The following SCIMP variants were observed in gnomAD, a reference collection of about 807,000 sequenced individuals.
SCIMP encodes SLP adapter and CSK-interacting membrane protein.
SCIMP carries 18 observed loss-of-function variants against 22.0 expected under a neutral mutation model. That is an observed-to-expected ratio of 0.82 (90% CI 0.56 to 1.21). The LOEUF (loss-of-function observed/expected upper bound fraction) is 1.21. Ranked by LOEUF, SCIMP falls within the 50% of genes most tolerant of loss-of-function variation. The pLI is 0.00. For synonymous variants in SCIMP, 53 were observed against 62.2 expected (o/e 0.85, Z 0.70); for missense variants, 155 against 171.2 (o/e 0.91, Z 0.53).
intron 3 of SCIMP, among the ~76,000 whole-genome samples, chr17:5,218,068 C>A (rs1198788188): frequency 6.6e-6 from 1 of 152,076 alleles, no homozygotes; most frequent in Non-Finnish European, 1.5e-5. Flanking sequence ...CTTTGACACC[C>A]AGGCTGGAGT....
At chr17:5,234,196 G>T (rs2074725859) in intron 1 of SCIMP, among the ~76,000 whole-genome samples, 1 of 152,056 alleles carries the variant, frequency 6.6e-6, no homozygotes, top group Non-Finnish European at 1.5e-5. Context: ...GCTTGAACCC[G>T]GGAGGCGGTG....
At chr17:5,212,047 C>CA (rs201695440) in intron 4 of SCIMP, among the ~76,000 whole-genome samples, 3,853 of 145,654 alleles carry the variant, frequency 0.026, 153 homozygotes, top group African/African-American at 0.088. Context: ...GACTCTGTCT[C>CA]AAAAAAAAAG....
intron 2 of SCIMP, among the ~76,000 whole-genome samples, chr17:5,221,970 C>T (rs1023571655): frequency 2.0e-5 from 3 of 151,654 alleles, no homozygotes; most frequent in Non-Finnish European, 2.9e-5. Flanking sequence ...ATGGGGGTTT[C>T]GCCATGTTGG....
intron 4 of SCIMP, chr17:5,213,136 A>T (rs906729502): frequency 2.0e-5 from 20 of 984,112 alleles, no homozygotes; most frequent in African/African-American, 3.5e-5. Context: ...TGAAAGGCCT[A>T]GTGACACCCC....
At chr17:5,223,217 A>T in intron 2 of SCIMP, 116 bp downstream of exon 2, 3 of 1,108,410 alleles carry the variant, frequency 2.7e-6, no homozygotes, top group South Asian at 1.4e-5. Context: ...CAAGATGCTT[A>T]ATCCAAAATT....
chr17:5,234,758 G>A lies in SCIMP; in HGVS notation c.-3C>T, dbSNP rs373613580. 1.1e-4 allele frequency: 172 copies of A among 1,610,730 alleles called. No individual in the cohort carries two copies. Among genetic ancestry groups the A allele is most frequent in the Non-Finnish European group, 4.2e-5 (49 of 1,178,782 alleles). On this transcript the variant is annotated 5_prime_UTR_variant, in exon 1 of 5. Coordinates refer to ENST00000574081, the MANE Select transcript of SCIMP (RefSeq NM_207103.3). ...ACCTGAACTGTGAAAGTATCCATAT[G>A]TGAGCAGCTAAGGAGACAGCAGTGG...
intron 2 of SCIMP, among the ~76,000 whole-genome samples, chr17:5,222,991 T>C (rs2074619597): frequency 6.6e-6 from 1 of 152,140 alleles, no homozygotes; most frequent in East Asian, 1.9e-4. Flanking sequence ...TTCCATATAC[T>C]TGTGTTCTCG....
intron 3 of SCIMP, 51 bp from the exon 4 acceptor site, chr17:5,215,049 C>T (rs2074556181): frequency 1.8e-6 from 2 of 1,127,414 alleles, no homozygotes; most frequent in South Asian, 1.2e-5. Flanking sequence ...GCCATGCCTG[C>T]TCCCAGCCGA....
chr17:5,232,215 A>G (rs530445146), intron 1 of SCIMP, among the ~76,000 whole-genome samples: 2 of 152,328 alleles, frequency 1.3e-5, no homozygotes, highest in East Asian at 3.9e-4. Flanking sequence ...TTCTGTGTGC[A>G]GTTGTTTGCG....
chr17:5,216,129 A>T (rs2074564075), intron 3 of SCIMP, among the ~76,000 whole-genome samples: 1 of 151,986 alleles, frequency 6.6e-6, no homozygotes, highest in Admixed American at 6.6e-5. Context: ...CTTGAGCCCA[A>T]AATTTGAGGT....
chr17:5,212,372 C>T (rs559187914), intron 4 of SCIMP, among the ~76,000 whole-genome samples: 3 of 151,778 alleles, frequency 2.0e-5, no homozygotes, highest in Non-Finnish European at 2.9e-5. Context: ...CGGTGGCTCA[C>T]GCCTGTAATC....
chr17:5,222,728 G>A (rs1215139752), intron 2 of SCIMP, among the ~76,000 whole-genome samples: 2 of 151,812 alleles, frequency 1.3e-5, no homozygotes, highest in Non-Finnish European at 2.9e-5. Context: ...GCAGTGGCAC[G>A]ATCTCGGCTC....
In SCIMP at chr17:5,210,966, C is replaced by T; in HGVS notation, c.284-11G>A. ...GGGCTTCCTGTGGGGCTAGAATACA[C>T]AAAAAGCTCCTTAGATGCAAAGCTG... On this transcript the variant is annotated splice_polypyrimidine_tract_variant and intron_variant, in intron 4 of 4. Transcript: ENST00000574081. The T allele has an allele frequency of 2.5e-6, 4 of 1,592,234 alleles. No individual in the cohort carries two copies. The highest frequency in any genetic ancestry group is 2.7e-5 in the African/African-American group (2 of 73,410).
At chr17:5,224,114 T>C (rs1335955477) in intron 1 of SCIMP, among the ~76,000 whole-genome samples, 1 of 152,174 alleles carries the variant, frequency 6.6e-6, no homozygotes, top group Admixed American at 6.5e-5. Context: ...GAAGGTGCCA[T>C]TTAAAGCAAT....
Position 5,221,358 on chromosome 17 carries a change from G to A in SCIMP, c.146-8C>T. Reference sequence around the variant, plus strand: ...CAATTTCCCATTTCTTGCCTAAGAGGGGAAAAGCATGTTCATTGAAGAAGA... The same window carrying A: ...CAATTTCCCATTTCTTGCCTAAGAGAGGAAAAGCATGTTCATTGAAGAAGA... On this transcript the variant is annotated splice_region_variant and splice_polypyrimidine_tract_variant and intron_variant, in intron 2 of 4. Transcript: ENST00000574081. 1 of 1,608,954 alleles carries A rather than the reference G, an allele frequency of 6.2e-7. No individual in the cohort carries two copies. The highest frequency in any genetic ancestry group is 1.1e-5 in the South Asian group (1 of 90,960).
intron 2 of SCIMP, among the ~76,000 whole-genome samples, chr17:5,222,259 T>G (rs962073010): frequency 2.0e-5 from 3 of 151,688 alleles, no homozygotes; most frequent in African/African-American, 4.8e-5. Context: ...CCGGCTAATT[T>G]TTTTTGTATT....
In SCIMP at chr17:5,223,326, C is replaced by T; in HGVS notation, c.145+7G>A. ...CCCTCCACCTGCCTAGGTAAAATGG[C>T]CATTACCTCGTCTAAGCTGCCACTT... On this transcript the variant is annotated splice_region_variant and intron_variant, in intron 2 of 4. Transcript: ENST00000574081. 6.2e-7 allele frequency: 1 copy of T among 1,613,462 alleles called. No homozygotes were observed. Among genetic ancestry groups the T allele is most frequent in the Non-Finnish European group, 8.5e-7 (1 of 1,179,750 alleles).
At chr17:5,214,279 G>C (rs911444213) in intron 4 of SCIMP, 2 of 152,384 alleles carry the variant, frequency 1.3e-5, no homozygotes, top group Admixed American at 6.5e-5. Flanking sequence ...CATAGGGGAC[G>C]GGCGTGGTGT....
At chr17:5,231,500 G>A (rs544980709) in intron 1 of SCIMP, among the ~76,000 whole-genome samples, 10 of 152,236 alleles carry the variant, frequency 6.6e-5, no homozygotes, top group South Asian at 2.1e-4. Flanking sequence ...ATGTCAGAGC[G>A]CCAAAAACTC....
Sources: allele counts gnomAD v4.1 joint callset (sites outside exome capture counted in the v4.1 genomes callset), GRCh38; gene constraint gnomAD v4.1.1; transcripts MANE v1.5; gene names NCBI Gene and HGNC (gene_info 2026-07-23, HGNC 2026-07-21).